Variants in STEAP3 observed in about 807,000 individuals in gnomAD.
STEAP3 encodes STEAP3 metalloreductase, also known as metalloreductase STEAP3.
STEAP3 carries 35 observed loss-of-function variants against 34.9 expected under a neutral mutation model. The observed-to-expected ratio is 1.00, with a 90% CI of 0.76 to 1.33. STEAP3 has a LOEUF of 1.33. Among genes scored for constraint, STEAP3 ranks in the 40% most tolerant of loss-of-function variants. The pLI, the probability that STEAP3 is intolerant of heterozygous loss-of-function variation, is 0.00. For synonymous variants in STEAP3, 281 were observed against 301.6 expected (o/e 0.93, Z 0.71); for missense variants, 652 against 667.6 (o/e 0.98, Z 0.26).
At chr2:119,242,162 A>G (rs1257395688) in intron 2 of STEAP3, among the ~76,000 whole-genome samples, 1 of 152,160 alleles carries the variant, frequency 6.6e-6, no homozygotes, top group Non-Finnish European at 1.5e-5. Context: ...GTCACTCAGG[A>G]GATGGCAGGC....
intron 4 of STEAP3, among the ~76,000 whole-genome samples, chr2:119,252,607 C>T (rs1558755280): frequency 6.6e-6 from 1 of 152,150 alleles, no homozygotes; most frequent in Non-Finnish European, 1.5e-5. Context: ...TGAACTTGAT[C>T]ATCTCTAAAC....
At chr2:119,248,298 A>C in intron 4 of STEAP3, 92 bp downstream of exon 4, 9 of 1,391,822 alleles carry the variant, frequency 6.5e-6, no homozygotes, top group African/African-American at 1.4e-5. Context: ...GCCGATACCC[A>C]CGGGTGCAGC....
At chr2:119,257,204 C>T (rs922368241) in intron 5 of STEAP3, among the ~76,000 whole-genome samples, 1 of 152,108 alleles carries the variant, frequency 6.6e-6, no homozygotes, top group African/African-American at 2.4e-5. Flanking sequence ...TGCATGGTGT[C>T]GGGATACTTT....
At position 119,231,045 on chromosome 2, in the gene STEAP3, C is replaced by T. The variant is rs753333400; in HGVS notation, c.22+11C>T. On this transcript the variant is annotated intron_variant, in intron 2 of 5. Coordinates refer to ENST00000393110, the MANE Select transcript of STEAP3 (RefSeq NM_182915.3). ...ACCAGCCTGCTGTTGGTAAGTCTGG[C>T]TAGGACGCAGATCCAAGGGGGCATG... is the stretch of plus-strand genomic sequence containing the variant. 7 of 1,614,138 alleles carry T rather than the reference C, an allele frequency of 4.3e-6. No individual in the cohort carries two copies. The highest frequency in any genetic ancestry group is 5.1e-6 in the Non-Finnish European group (6 of 1,180,020).
intron 5 of STEAP3, among the ~76,000 whole-genome samples, chr2:119,256,779 G>T (rs573935198): frequency 1.3e-5 from 2 of 152,256 alleles, no homozygotes; most frequent in East Asian, 1.9e-4. Context: ...GGAAGCCTGA[G>T]TTCCAGCTTT....
chr2:119,247,841 G>T lies in STEAP3; in HGVS notation c.685G>T (p.Ala229Ser). 1 of 1,613,414 alleles carries T rather than the reference G, an allele frequency of 6.2e-7. No individual in the cohort carries two copies. Among genetic ancestry groups the T allele is most frequent in the Non-Finnish European group, 8.5e-7 (1 of 1,180,002 alleles). Residue 229 changes from alanine to serine, a missense_variant, in exon 4 of 6, where the codon GCC (alanine) becomes TCC (serine). Coordinates refer to ENST00000393110, the MANE Select transcript of STEAP3 (RefSeq NM_182915.3). ...GGCCTGGAAGGTGCCCACCCTGCTG[G>T]CCCTGGGGCTCTTCGTCTGCTTCTA... Reference protein sequence around the residue: ...LPAWKVPTLLALGLFVCFYAY... With the variant: ...LPAWKVPTLLSLGLFVCFYAY...
chr2:119,234,790 A>G (rs753556603), intron 2 of STEAP3, among the ~76,000 whole-genome samples: 37 of 152,302 alleles, frequency 2.4e-4, no homozygotes, highest in South Asian at 8.3e-4. Context: ...GTTGTGCAGC[A>G]TAGGGACCCT....
chr2:119,236,344 C>T (rs558737920), intron 2 of STEAP3, among the ~76,000 whole-genome samples: 5 of 152,298 alleles, frequency 3.3e-5, no homozygotes, highest in African/African-American at 1.2e-4. Context: ...AAATGGGGCT[C>T]AGGAAGGTGA....
intron 5 of STEAP3, among the ~76,000 whole-genome samples, chr2:119,259,050 G>A (rs838069): frequency 0.54 from 82,563 of 151,786 alleles, 22,890 homozygotes; most frequent in Middle Eastern, 0.62. Flanking sequence ...GCTCACCTGC[G>A]CAGAAAAATG....
chr2:119,256,660 G>T lies in STEAP3; in HGVS notation c.1215+1812G>T, dbSNP rs3731604. Among the ~76,000 whole-genome samples the T allele has an allele frequency of 8.1e-4, 124 of 152,352 alleles. No individual in the cohort carries two copies. The East Asian group carries it at 0.021, about 26-fold the overall frequency. On this transcript the variant is annotated intron_variant, in intron 5 of 5. Coordinates refer to ENST00000393110, the MANE Select transcript of STEAP3 (RefSeq NM_182915.3). ...TCCTTTTGCCACTGCAAGAGCAGGG[G>T]GGGTTAGGTGGGTAGAAAGGCAGGA...
intron 2 of STEAP3, among the ~76,000 whole-genome samples, chr2:119,240,329 C>T (rs1377832878): frequency 2.0e-5 from 3 of 152,238 alleles, no homozygotes; most frequent in East Asian, 3.8e-4. Context: ...GGGAGGCGTG[C>T]GAGGCACCCC....
At chr2:119,237,049 G>T (rs956588808) in intron 2 of STEAP3, among the ~76,000 whole-genome samples, 1 of 152,248 alleles carries the variant, frequency 6.6e-6, no homozygotes, top group African/African-American at 2.4e-5. Context: ...CATAACTTCA[G>T]AAGGTTGCAG....
intron 2 of STEAP3, among the ~76,000 whole-genome samples, chr2:119,238,679 G>A (rs1484436599): frequency 3.9e-5 from 6 of 152,168 alleles, no homozygotes; most frequent in East Asian, 1.9e-4. Flanking sequence ...GACAGACAGC[G>A]CCCACAAAGT....
chr2:119,253,872 T>C (rs572582504), intron 4 of STEAP3, among the ~76,000 whole-genome samples: 1 of 152,252 alleles, frequency 6.6e-6, no homozygotes, highest in South Asian at 2.1e-4. Context: ...GGTATCTTTA[T>C]TTTCTGTAGC....
At chr2:119,256,848 A>G (rs942443144) in intron 5 of STEAP3, among the ~76,000 whole-genome samples, 2 of 152,218 alleles carry the variant, frequency 1.3e-5, no homozygotes, top group South Asian at 4.2e-4. Context: ...CAAGAGCCTC[A>G]GTTTACACCC....
In STEAP3 at chr2:119,264,033, A is replaced by C. The variant is rs538837250; in HGVS notation, c.*695A>C. 1 of 156,308 alleles carries C rather than the reference A, an allele frequency of 6.4e-6. No homozygotes were observed. Among genetic ancestry groups the C allele is most frequent in the Non-Finnish European group, 1.4e-5 (1 of 70,316 alleles). 9.7% of individuals were successfully genotyped at this position (156,308 alleles called of 1,614,324 possible). ...GGGGGAGACATTTTCCCTGAAAGTC[A>C]GAAGTCACCATAGAGCCTGCAAATG... On this transcript the variant is annotated 3_prime_UTR_variant, in exon 6 of 6. Coordinates refer to ENST00000393110, the MANE Select transcript of STEAP3 (RefSeq NM_182915.3).
chr2:119,231,342 CGTGTGTGTGTGTGTGTGTGT>C (rs6146901), intron 2 of STEAP3, among the ~76,000 whole-genome samples: 42 of 143,606 alleles, frequency 2.9e-4, no homozygotes, highest in African/African-American at 8.5e-4. Flanking sequence ...CACACAGTTG[CGTGTGTGTGTGTGTGTGTGT>C]GTGTGTGTGT....
intron 4 of STEAP3, 66 bp downstream of exon 4, chr2:119,248,272 C>G (rs1530524): frequency 6.0e-6 from 9 of 1,491,866 alleles, no homozygotes; most frequent in African/African-American, 1.4e-5. Context: ...CCTCCCCCCC[C>G]CACCAACCAG....
At chr2:119,253,219 A>G (rs1677676273) in intron 4 of STEAP3, among the ~76,000 whole-genome samples, 1 of 152,214 alleles carries the variant, frequency 6.6e-6, no homozygotes, top group Non-Finnish European at 1.5e-5. Flanking sequence ...CCAGAGTCAC[A>G]TGCCACTGGT....
Sources: gnomAD v4.1 joint callset for allele counts (sites outside exome capture counted in the v4.1 genomes callset) on GRCh38, gnomAD v4.1.1 for gene constraint, MANE v1.5 for transcripts, NCBI Gene and HGNC (gene_info 2026-07-23, HGNC 2026-07-21) for gene names.